AKAP19: variants seen among roughly 807,000 people sequenced by gnomAD.
AKAP19 encodes the protein small A-kinase anchoring protein.
chr2:189,989,280 CAA>C, the AKAP19 span, among the ~76,000 whole-genome samples: 1 of 150,086 alleles, frequency 6.7e-6, no homozygotes, highest in Non-Finnish European at 1.5e-5. Flanking sequence ...ACCTTCCCCG[CAA>C]AAAAAAAGGA....
chr2:190,134,357 A>G, the AKAP19 span, among the ~76,000 whole-genome samples: 1 of 152,294 alleles, frequency 6.6e-6, no homozygotes, highest in African/African-American at 2.4e-5. Context: ...TTTAAAATAA[A>G]CTATACAAAT....
the AKAP19 span, chr2:190,057,370 CA>C: frequency 1.9e-6 from 3 of 1,613,618 alleles, no homozygotes; most frequent in Non-Finnish European, 2.5e-6. Context: ...GGGAGTACAG[CA>C]AGGGCCTGCT....
At chr2:190,053,309 G>A in the AKAP19 span, among the ~76,000 whole-genome samples, 3 of 152,060 alleles carry the variant, frequency 2.0e-5, no homozygotes, top group Non-Finnish European at 4.4e-5. Context: ...TTCTTGACAG[G>A]ATATGATACT....
chr2:190,068,568 T>A, the AKAP19 span, among the ~76,000 whole-genome samples: 4 of 152,136 alleles, frequency 2.6e-5, no homozygotes, highest in Non-Finnish European at 4.4e-5. Context: ...TGGCCTCAAG[T>A]CATCCATCCG....
the AKAP19 span, among the ~76,000 whole-genome samples, chr2:190,162,629 A>G: frequency 6.6e-6 from 1 of 152,208 alleles, no homozygotes; most frequent in Non-Finnish European, 1.5e-5. Flanking sequence ...CTGAAATGAT[A>G]ATATTCCCAT....
the AKAP19 span, among the ~76,000 whole-genome samples, chr2:189,941,120 A>G: frequency 1.1e-3 from 173 of 152,340 alleles, no homozygotes; most frequent in African/African-American, 3.9e-3. Context: ...ATCCAATAAT[A>G]CTGTACCCAG....
At chr2:190,044,904 T>G in the AKAP19 span, among the ~76,000 whole-genome samples, 1 of 152,178 alleles carries the variant, frequency 6.6e-6, no homozygotes. Flanking sequence ...AGACCCTGGT[T>G]GGTAGGTCTC....
chr2:189,926,434 C>T, the AKAP19 span, among the ~76,000 whole-genome samples: 1 of 150,210 alleles, frequency 6.7e-6, no homozygotes, highest in East Asian at 2.0e-4. Flanking sequence ...CTACAAGCGC[C>T]CACTACCATG....
the AKAP19 span, among the ~76,000 whole-genome samples, chr2:190,084,711 A>G: frequency 6.6e-6 from 1 of 152,228 alleles, no homozygotes; most frequent in South Asian, 2.1e-4. Flanking sequence ...ACTGAAAAAC[A>G]TACAGGAAGG....
chr2:189,986,769 A>C, the AKAP19 span, among the ~76,000 whole-genome samples: 1 of 152,136 alleles, frequency 6.6e-6, no homozygotes, highest in Non-Finnish European at 1.5e-5. Flanking sequence ...ACTTTTAGTA[A>C]TGTATTATAA....
chr2:189,883,132 T>G, the AKAP19 span, among the ~76,000 whole-genome samples: 1 of 152,158 alleles, frequency 6.6e-6, no homozygotes, highest in Admixed American at 6.5e-5. Context: ...GAGAGCTTAT[T>G]AAGCGCTGAT....
chr2:189,998,771 C>CTTTTT, the AKAP19 span, among the ~76,000 whole-genome samples: 916 of 97,410 alleles, frequency 9.4e-3, 1 homozygote, highest in Non-Finnish European at 0.012. Context: ...TTCTTTCTTT[C>CTTTTT]TTTTTTTTTT....
chr2:190,115,752 A>G, the AKAP19 span, among the ~76,000 whole-genome samples: 3 of 152,066 alleles, frequency 2.0e-5, no homozygotes, highest in African/African-American at 7.2e-5. Context: ...TTTCTTTGTG[A>G]TGTCCTTTCC....
chr2:189,949,804 G>A, the AKAP19 span, among the ~76,000 whole-genome samples: 1 of 151,026 alleles, frequency 6.6e-6, no homozygotes, highest in African/African-American at 2.4e-5. Flanking sequence ...ACCAATTTTT[G>A]TACTTTTAGT....
the AKAP19 span, among the ~76,000 whole-genome samples, chr2:190,166,237 G>A: frequency 6.8e-6 from 1 of 147,424 alleles, no homozygotes; most frequent in Non-Finnish European, 1.5e-5. Context: ...GAAATCTTCT[G>A]GAAAAATAAA....
chr2:190,033,489 T>C, the AKAP19 span, among the ~76,000 whole-genome samples: 1 of 152,208 alleles, frequency 6.6e-6, no homozygotes, highest in East Asian at 1.9e-4. Context: ...TGGTTAGCAA[T>C]ATATCTTTGC....
At chr2:190,176,582 T>G in the AKAP19 span, among the ~76,000 whole-genome samples, 1 of 152,188 alleles carries the variant, frequency 6.6e-6, no homozygotes, top group Non-Finnish European at 1.5e-5. The surrounding 1 kb of genome is among the most constrained non-coding windows in gnomAD (Gnocchi z 4.7). Flanking sequence ...ACTCCTGACC[T>G]CGTGATCTGC....
the AKAP19 span, among the ~76,000 whole-genome samples, chr2:190,130,845 C>T: frequency 6.6e-6 from 1 of 152,116 alleles, no homozygotes; most frequent in Non-Finnish European, 1.5e-5. Context: ...AGGGAAAACT[C>T]ATTGTTTCTT....
the AKAP19 span, among the ~76,000 whole-genome samples, chr2:190,002,341 T>G: frequency 6.6e-6 from 1 of 152,186 alleles, no homozygotes; most frequent in Non-Finnish European, 1.5e-5. Context: ...CTGGAACTTC[T>G]GTTTATCTCT....
Sources: allele counts gnomAD v4.1 joint callset (sites outside exome capture counted in the v4.1 genomes callset), GRCh38; gene constraint gnomAD v4.1.1; non-coding constraint Gnocchi (gnomAD v3.1); transcripts MANE v1.5; gene names NCBI Gene and HGNC (gene_info 2026-07-23, HGNC 2026-07-21).